CHODL: variants seen among roughly 807,000 people sequenced by gnomAD.
The protein encoded by CHODL is transmembrane protein MT75.
In CHODL, 29 loss-of-function variants were observed where a neutral mutation model predicts 34.5. That is an observed-to-expected ratio of 0.84 (90% CI 0.63 to 1.15). The LOEUF is 1.15. Ranked by LOEUF, CHODL falls within the 50% of genes most tolerant of loss-of-function variation. The pLI is 0.00. For synonymous variants in CHODL, 125 were observed against 116.1 expected (o/e 1.08, Z -0.49); for missense variants, 332 against 332.5 (o/e 1.00, Z 0.01).
intron 2 of CHODL, among the ~76,000 whole-genome samples, chr21:18,098,827 T>A (rs1409992848): frequency 6.6e-6 from 1 of 152,072 alleles, no homozygotes; most frequent in Non-Finnish European, 1.5e-5. Context: ...ACCAACCTTA[T>A]TGTCCATCAA....
chr21:18,149,788 C>G (rs772478461), intron 2 of CHODL, among the ~76,000 whole-genome samples: 32 of 152,166 alleles, frequency 2.1e-4, no homozygotes, highest in Non-Finnish European at 3.7e-4. Context: ...GAGTCAATGC[C>G]TTAGTCAGTT....
intron 1 of CHODL, among the ~76,000 whole-genome samples, chr21:17,970,351 T>C (rs1387253213): frequency 6.6e-6 from 1 of 152,158 alleles, no homozygotes; most frequent in Non-Finnish European, 1.5e-5. Flanking sequence ...TGTTCCAAAA[T>C]TGACAGGCAA....
chr21:17,975,403 T>C (rs2063653693), intron 1 of CHODL, among the ~76,000 whole-genome samples: 1 of 152,148 alleles, frequency 6.6e-6, no homozygotes, highest in Non-Finnish European at 1.5e-5. Flanking sequence ...AAATTTTCTA[T>C]ATAACAAACC....
At chr21:17,924,787 C>CT (rs2063210329) in intron 1 of CHODL, among the ~76,000 whole-genome samples, 1 of 150,686 alleles carries the variant, frequency 6.6e-6, no homozygotes, top group Admixed American at 6.6e-5. Flanking sequence ...ATAAGTTTTT[C>CT]TTTTTTGTAC....
intron 1 of CHODL, among the ~76,000 whole-genome samples, chr21:18,016,869 TCA>T (rs1242360547): frequency 2.6e-5 from 4 of 152,184 alleles, no homozygotes; most frequent in Non-Finnish European, 5.9e-5. Context: ...GTCATGGAGG[TCA>T]AAGGAGATTA....
At chr21:17,921,149 A>G (rs1387928856) in intron 1 of CHODL, among the ~76,000 whole-genome samples, 1 of 152,218 alleles carries the variant, frequency 6.6e-6, no homozygotes, top group Non-Finnish European at 1.5e-5. Flanking sequence ...GAAGTCCAAA[A>G]TCTGCAGTGT....
intron 1 of CHODL, among the ~76,000 whole-genome samples, chr21:18,255,128 C>T (rs533160999): frequency 1.3e-5 from 2 of 152,096 alleles, no homozygotes; most frequent in South Asian, 4.1e-4. Flanking sequence ...CTTTAAGATA[C>T]AGGTTTAAGA....
At chr21:18,155,663 A>T (rs79271997) in intron 2 of CHODL, among the ~76,000 whole-genome samples, 1 of 152,178 alleles carries the variant, frequency 6.6e-6, no homozygotes, top group Non-Finnish European at 1.5e-5. Context: ...TAGCTAAATC[A>T]TGTTATTTAT....
At chr21:18,108,587 T>A (rs565397473) in intron 2 of CHODL, among the ~76,000 whole-genome samples, 1 of 152,170 alleles carries the variant, frequency 6.6e-6, no homozygotes, top group African/African-American at 2.4e-5. Flanking sequence ...GGGAAGTATA[T>A]GAAGGGAACA....
At chr21:18,189,629 ATT>A (rs35604998) in intron 2 of CHODL, among the ~76,000 whole-genome samples, 4,156 of 94,668 alleles carry the variant, frequency 0.044, 136 homozygotes, top group African/African-American at 0.13. Context: ...GAAGTGGGCA[ATT>A]TTTTTTTTTT....
At chr21:17,978,132 A>G (rs185302614) in intron 1 of CHODL, among the ~76,000 whole-genome samples, 1 of 152,074 alleles carries the variant, frequency 6.6e-6, no homozygotes, top group East Asian at 1.9e-4. Context: ...CCAAGCCAAA[A>G]AAACACGTCG....
intron 2 of CHODL, among the ~76,000 whole-genome samples, chr21:18,237,015 C>CT (rs1183571209): frequency 6.6e-6 from 1 of 152,004 alleles, no homozygotes. Context: ...ATACAGCTAA[C>CT]TATTGGAGAA....
intron 2 of CHODL, among the ~76,000 whole-genome samples, chr21:18,124,743 T>C (rs927108974): frequency 6.6e-6 from 1 of 152,090 alleles, no homozygotes; most frequent in Non-Finnish European, 1.5e-5. Context: ...AGAAGAAAGG[T>C]AGAAAAAAGA....
intron 4 of CHODL, among the ~76,000 whole-genome samples, chr21:18,260,552 C>A (rs1226696264): frequency 6.6e-6 from 1 of 152,156 alleles, no homozygotes; most frequent in Admixed American, 6.5e-5. Flanking sequence ...GGGGCTCACA[C>A]CTGTAATCCC....
At chr21:18,177,418 T>G (rs1051578689) in intron 2 of CHODL, among the ~76,000 whole-genome samples, 2 of 152,162 alleles carry the variant, frequency 1.3e-5, no homozygotes, top group South Asian at 2.1e-4. Context: ...ATTTATTGTT[T>G]GCTTCTTTTA....
At chr21:17,939,631 C>A (rs2063347281) in intron 1 of CHODL, among the ~76,000 whole-genome samples, 1 of 152,130 alleles carries the variant, frequency 6.6e-6, no homozygotes, top group African/African-American at 2.4e-5. Context: ...CATCTACCAT[C>A]CTCTCAATTC....
At chr21:17,944,611 T>C (rs1396955382) in intron 1 of CHODL, among the ~76,000 whole-genome samples, 2 of 152,078 alleles carry the variant, frequency 1.3e-5, no homozygotes, top group African/African-American at 4.8e-5. Context: ...AGATTCCAAA[T>C]AGTGGAAATG....
chr21:18,034,232 G>A (rs1877012942), intron 2 of CHODL, among the ~76,000 whole-genome samples: 1 of 152,030 alleles, frequency 6.6e-6, no homozygotes, highest in Admixed American at 6.6e-5. Flanking sequence ...ATTATGTCAT[G>A]CAAACTTTGC....
intron 2 of CHODL, among the ~76,000 whole-genome samples, chr21:18,223,599 G>T (rs535643242): frequency 3.3e-5 from 5 of 152,134 alleles, no homozygotes; most frequent in Non-Finnish European, 5.9e-5. Context: ...AGCTTAAACT[G>T]CAGTTAGGAC....
Sources: allele counts gnomAD v4.1 joint callset (sites outside exome capture counted in the v4.1 genomes callset), GRCh38; gene constraint gnomAD v4.1.1; transcripts MANE v1.5; gene names NCBI Gene and HGNC (gene_info 2026-07-23, HGNC 2026-07-21).